The following ZNF565 variants were observed in gnomAD, a reference collection of about 807,000 sequenced individuals.
The protein encoded by ZNF565 is zinc finger protein 565.
A neutral mutation model predicts 39.4 loss-of-function variants in ZNF565; 27 were observed. That is an observed-to-expected ratio of 0.69 (90% CI 0.51 to 0.95). The LOEUF is 0.95. Ranked by LOEUF, ZNF565 falls within the 40% of genes least tolerant of loss-of-function variation. The pLI is 0.00. For synonymous variants in ZNF565, 185 were observed against 216.6 expected (o/e 0.85, Z 1.28); for missense variants, 524 against 621.1 (o/e 0.84, Z 1.66).
At position 36,182,387 on chromosome 19, in the gene ZNF565, A is replaced by G; in HGVS notation, c.*79T>C. ...GGTGTTTTCTGACATTAATTACACT[A>G]CATTAAAAATTACCTAGTACTGAGC... is the stretch of plus-strand genomic sequence containing the variant. On this transcript the variant is annotated 3_prime_UTR_variant, in exon 5 of 5. Coordinates refer to ENST00000304116, the MANE Select transcript of ZNF565 (RefSeq NM_152477.5). 1 of 1,262,518 alleles carries G rather than the reference A, an allele frequency of 7.9e-7. No individual in the cohort carries two copies. The highest frequency in any genetic ancestry group is 2.4e-5 in the East Asian group (1 of 41,894). 78.2% of individuals were successfully genotyped at this position (1,262,518 alleles called of 1,614,324 possible).
chr19:36,206,811 A>C (rs1384795574), intron 1 of ZNF565, among the ~76,000 whole-genome samples: 1 of 152,182 alleles, frequency 6.6e-6, no homozygotes, highest in East Asian at 1.9e-4. Flanking sequence ...CAGCCTGGGC[A>C]ACAAAGACTC....
At chr19:36,234,509 G>A (rs900436270) in intron 1 of ZNF565, among the ~76,000 whole-genome samples, 1 of 152,144 alleles carries the variant, frequency 6.6e-6, no homozygotes, top group African/African-American at 2.4e-5. Context: ...TAAAATTACA[G>A]AATGTAATCA....
intron 1 of ZNF565, among the ~76,000 whole-genome samples, chr19:36,227,768 G>T (rs1977138549): frequency 6.6e-6 from 1 of 152,154 alleles, no homozygotes; most frequent in South Asian, 2.1e-4. Flanking sequence ...GCCCAGCCTG[G>T]TCTTGAACTC....
chr19:36,186,585 C>T (rs990036955), intron 4 of ZNF565, among the ~76,000 whole-genome samples: 2 of 151,128 alleles, frequency 1.3e-5, no homozygotes, highest in African/African-American at 4.9e-5. Context: ...CTCAGGAGTT[C>T]GAAACCAGAC....
At chr19:36,201,246 G>A (rs1330840996) in intron 2 of ZNF565, among the ~76,000 whole-genome samples, 1 of 152,074 alleles carries the variant, frequency 6.6e-6, no homozygotes, top group Non-Finnish European at 1.5e-5. Context: ...AGGCTGCAGT[G>A]AGCCATGACT....
At chr19:36,182,064 C>T, downstream of ZNF565, 1 of 160,956 alleles carries the variant, frequency 6.2e-6, no homozygotes, top group Non-Finnish European at 1.4e-5. Flanking sequence ...ATTGGCCAGG[C>T]TGGTCTCAAA....
intron 1 of ZNF565, chr19:36,236,184 T>C: frequency 2.5e-6 from 1 of 392,882 alleles, no homozygotes; most frequent in Non-Finnish European, 4.5e-6. Context: ...AAATTCATGC[T>C]GGAGAGAAAC....
At chr19:36,232,701 C>A (rs530692190) in intron 1 of ZNF565, among the ~76,000 whole-genome samples, 35 of 151,764 alleles carry the variant, frequency 2.3e-4, no homozygotes, top group Non-Finnish European at 1.5e-4. Context: ...CTCCACCTCC[C>A]GGTTTCAAGT....
intron 1 of ZNF565, among the ~76,000 whole-genome samples, chr19:36,241,484 TAAAAAAAAAAA>T (rs34534450): frequency 9.1e-6 from 1 of 109,428 alleles, no homozygotes; most frequent in Non-Finnish European, 1.9e-5. Context: ...GACTCTGTAT[TAAAAAAAAAAA>T]AAAAAAAAGT....
chr19:36,218,765 G>A (rs1407001592), upstream of ZNF565, among the ~76,000 whole-genome samples: 1 of 151,120 alleles, frequency 6.6e-6, no homozygotes, highest in East Asian at 2.0e-4. Context: ...CACTGCGCCC[G>A]GCCTAATATT....
At chr19:36,203,990 C>G (rs2145349831) in intron 1 of ZNF565, among the ~76,000 whole-genome samples, 1 of 150,242 alleles carries the variant, frequency 6.7e-6, no homozygotes, top group South Asian at 2.1e-4. Context: ...CACTCTGTCA[C>G]CAAGGCTGGA....
intron 1 of ZNF565, among the ~76,000 whole-genome samples, chr19:36,224,268 G>C (rs142136911): frequency 1.7e-3 from 255 of 152,324 alleles, no homozygotes; most frequent in African/African-American, 5.8e-3. Context: ...CTGAATCCCA[G>C]CTATTCGGAG....
intron 1 of ZNF565, chr19:36,238,851 G>A (rs1977744404): frequency 6.2e-6 from 1 of 162,326 alleles, no homozygotes. Flanking sequence ...GGCAGGAGGT[G>A]AGTGGCGGGT....
chr19:36,222,103 T>A (rs1976873027), intron 1 of ZNF565, among the ~76,000 whole-genome samples: 1 of 151,940 alleles, frequency 6.6e-6, no homozygotes, highest in Non-Finnish European at 1.5e-5. Context: ...CTTTTTTACT[T>A]TTTGTAGAGA....
At chr19:36,207,281 C>T (rs183670828) in intron 1 of ZNF565, among the ~76,000 whole-genome samples, 13 of 152,244 alleles carry the variant, frequency 8.5e-5, no homozygotes, top group Admixed American at 2.0e-4. Context: ...CAGTGGCTCA[C>T]GCCTGTAATC....
At chr19:36,233,459 T>C (rs1395600811) in intron 1 of ZNF565, among the ~76,000 whole-genome samples, 3 of 151,532 alleles carry the variant, frequency 2.0e-5, no homozygotes, top group Non-Finnish European at 4.4e-5. Flanking sequence ...GAAAGAAAAA[T>C]GGGCCCAGGG....
At chr19:36,227,593 G>C (rs1258044040) in intron 1 of ZNF565, among the ~76,000 whole-genome samples, 1 of 152,006 alleles carries the variant, frequency 6.6e-6, no homozygotes, top group African/African-American at 2.4e-5. Flanking sequence ...ATTCCAGGTT[G>C]TTGCTTTTCT....
chr19:36,195,177 A>G (rs1340221262), intron 2 of ZNF565, 21 bp from the exon 3 acceptor site: 1 of 1,586,526 alleles, frequency 6.3e-7, no homozygotes, highest in Non-Finnish European at 8.6e-7. Flanking sequence ...AAACCCACGC[A>G]TTAGTGTACA....
intron 1 of ZNF565, among the ~76,000 whole-genome samples, chr19:36,226,395 AT>A (rs1327319816): frequency 6.6e-6 from 1 of 152,190 alleles, no homozygotes; most frequent in African/African-American, 2.4e-5. Flanking sequence ...TACATAGTGG[AT>A]GGGGGGTATA....
Sources: gnomAD v4.1 joint callset for allele counts (sites outside exome capture counted in the v4.1 genomes callset) on GRCh38, gnomAD v4.1.1 for gene constraint, MANE v1.5 for transcripts, NCBI Gene and HGNC (gene_info 2026-07-23, HGNC 2026-07-21) for gene names.